Variants in PCNX1 observed in about 807,000 individuals in gnomAD.
The protein encoded by PCNX1 is pecanex-like protein 1.
A neutral mutation model predicts 242.2 loss-of-function variants in PCNX1; 78 were observed. The ratio of observed to expected loss-of-function variants is 0.32; its 90% CI spans 0.27 to 0.39. PCNX1 has a LOEUF of 0.39. PCNX1 is among the 10% of genes least tolerant of loss of function. The pLI is 1.00. For synonymous variants in PCNX1, 1,024 were observed against 1,032.9 expected (o/e 0.99, Z 0.17); for missense variants, 2,581 against 2,856.5 (o/e 0.90, Z 2.20).
At chr14:70,947,154 A>G in intron 2 of PCNX1, 31 bp downstream of exon 2, 2 of 1,425,596 alleles carry the variant, frequency 1.4e-6, no homozygotes, top group Non-Finnish European at 2.0e-6. Context: ...GATTGATCGT[A>G]ATGATTTAGA....
chr14:70,977,589 G>A lies in PCNX1; in HGVS notation c.1252G>A (p.Glu418Lys), dbSNP rs1566647947. 1 of 1,614,214 alleles carries A rather than the reference G, an allele frequency of 6.2e-7. No homozygotes were observed. The change falls in exon 6 of 36, where the codon GAG (glutamate) becomes AAG (lysine). Residue 418 changes from glutamate (E) to lysine (K), a missense_variant. By Grantham distance (56) the Glu-to-Lys change is moderately conservative. Around this residue, in one of 9 missense-constraint regions of PCNX1, gnomAD observed 1,204 missense variants for 1,216.7 expected, o/e 0.99. Transcript: ENST00000304743. ...THIESILSEHEESPKAGTKSG... is the reference protein window; with the variant it reads ...THIESILSEHKESPKAGTKSG... ...CATAGAGAGCATCCTGTCAGAGCAT[G>A]AGGAGTCTCCTAAAGCAGGAACAAA... is the stretch of plus-strand genomic sequence containing the variant.
intron 27 of PCNX1, among the ~76,000 whole-genome samples, chr14:71,074,766 G>T (rs2061670047): frequency 2.6e-5 from 4 of 152,172 alleles, no homozygotes; most frequent in Admixed American, 2.6e-4. Flanking sequence ...CCAAGGCTTA[G>T]CGGTTACCCC....
intron 1 of PCNX1, among the ~76,000 whole-genome samples, chr14:70,915,382 A>G (rs2056112027): frequency 1.3e-5 from 2 of 152,212 alleles, no homozygotes; most frequent in Non-Finnish European, 2.9e-5. Flanking sequence ...GAAATTATAG[A>G]TAAGTAAAAA....
At chr14:70,962,088 C>T in intron 2 of PCNX1, 138 bp from the exon 3 acceptor site, 4 of 604,876 alleles carry the variant, frequency 6.6e-6, no homozygotes, top group South Asian at 2.2e-5. Context: ...CGTTGTTTAC[C>T]TTTTTTGCTA....
intron 13 of PCNX1, among the ~76,000 whole-genome samples, chr14:71,025,624 TA>T (rs1247706516): frequency 6.6e-6 from 1 of 152,114 alleles, no homozygotes; most frequent in East Asian, 1.9e-4. Context: ...ATATTAAAAA[TA>T]ATGAGACTGT....
At chr14:71,053,596 G>A (rs1489583947) in intron 24 of PCNX1, among the ~76,000 whole-genome samples, 3 of 152,184 alleles carry the variant, frequency 2.0e-5, no homozygotes, top group Non-Finnish European at 4.4e-5. Flanking sequence ...GGGATTACAG[G>A]CGTGAGCCAC....
chr14:70,962,335 G>A lies in PCNX1; in HGVS notation c.468+4G>A, dbSNP rs767439124. The stretch of plus-strand genomic sequence containing the variant: ...CGGTCTAGATCCAAGCAACCAGGTA[G>A]GAACCTGCGCTGTTTTATTTTGCCT... On this transcript the variant is annotated splice_donor_region_variant and intron_variant, in intron 3 of 35. Coordinates refer to ENST00000304743, the MANE Select transcript of PCNX1 (RefSeq NM_014982.3). 1.9e-5 allele frequency: 29 copies of A among 1,566,652 alleles called. No homozygotes were observed. The highest frequency in any genetic ancestry group is 2.4e-5 in the Non-Finnish European group (27 of 1,136,972).
At position 71,102,029 on chromosome 14, in the gene PCNX1, G is replaced by A. The variant is rs1228439774; in HGVS notation, c.5629G>A (p.Val1877Met). The change falls in exon 31 of 36, where the codon GTG becomes ATG. Residue 1877 changes from valine to methionine, a missense_variant. Around this residue, in one of 9 missense-constraint regions of PCNX1, gnomAD observed 298 missense variants for 480.1 expected, o/e 0.62. Coordinates refer to ENST00000304743, the MANE Select transcript of PCNX1 (RefSeq NM_014982.3). ...TCCAGATGAATATGATGACCCTACT[G>A]TGCTCTATGAAGCCATAGTATCTCA... ...TSPDEYDDPTVLYEAIVSHEK... is the reference protein window; with the variant it reads ...TSPDEYDDPTMLYEAIVSHEK... 5.6e-6 allele frequency: 9 copies of A among 1,612,610 alleles called. No homozygotes were observed. The highest frequency in any genetic ancestry group is 6.8e-6 in the Non-Finnish European group (8 of 1,178,928).
chr14:70,913,834 T>G (rs2056034628), intron 1 of PCNX1, among the ~76,000 whole-genome samples: 1 of 152,226 alleles, frequency 6.6e-6, no homozygotes, highest in African/African-American at 2.4e-5. Context: ...GTGCTATAAA[T>G]TAGCAATTTA....
intron 7 of PCNX1, among the ~76,000 whole-genome samples, chr14:70,992,776 C>T (rs968710830): frequency 3.3e-5 from 5 of 152,014 alleles, no homozygotes; most frequent in Admixed American, 2.0e-4. Context: ...GACATAGAAG[C>T]GTAAAAAAAG....
At chr14:70,978,734 C>G in intron 6 of PCNX1, 86 bp downstream of exon 6, 1 of 1,136,882 alleles carries the variant, frequency 8.8e-7, no homozygotes, top group Non-Finnish European at 1.2e-6. Context: ...AAATATGCTT[C>G]TGTTAATATT....
intron 3 of PCNX1, among the ~76,000 whole-genome samples, chr14:70,966,512 C>A (rs950819509): frequency 3.9e-5 from 6 of 152,160 alleles, no homozygotes; most frequent in Admixed American, 2.6e-4. Flanking sequence ...CTCAGACACA[C>A]AAAGACGTTT....
chr14:71,043,667 C>A (rs2060777762), intron 19 of PCNX1, among the ~76,000 whole-genome samples: 1 of 152,066 alleles, frequency 6.6e-6, no homozygotes, highest in South Asian at 2.1e-4. Flanking sequence ...TCCAGAATTT[C>A]TGTTTGGTTC....
At chr14:70,930,899 CA>C (rs926226019) in intron 1 of PCNX1, among the ~76,000 whole-genome samples, 9 of 152,226 alleles carry the variant, frequency 5.9e-5, no homozygotes, top group African/African-American at 2.2e-4. Flanking sequence ...CCTCAATCCC[CA>C]AAGGAGACTG....
intron 8 of PCNX1, among the ~76,000 whole-genome samples, chr14:71,001,448 A>G (rs1446905350): frequency 1.3e-5 from 2 of 152,150 alleles, no homozygotes; most frequent in Admixed American, 6.5e-5. Context: ...AATTTTATCT[A>G]CTCTTATTTT....
chr14:70,950,413 A>G (rs2057729628), intron 2 of PCNX1, among the ~76,000 whole-genome samples: 1 of 152,104 alleles, frequency 6.6e-6, no homozygotes, highest in African/African-American at 2.4e-5. Flanking sequence ...CCTATTTTAA[A>G]TTATATCAAT....
chr14:71,028,213 T>G (rs934472841), intron 15 of PCNX1, among the ~76,000 whole-genome samples: 16 of 151,828 alleles, frequency 1.1e-4, no homozygotes, highest in Non-Finnish European at 2.2e-4. Context: ...AGTATCTATT[T>G]TGTTGTTGTT....
chr14:70,934,699 A>T (rs2056932571), intron 1 of PCNX1, among the ~76,000 whole-genome samples: 1 of 152,208 alleles, frequency 6.6e-6, no homozygotes, highest in Non-Finnish European at 1.5e-5. Context: ...CTCACTTTGG[A>T]CTTGAAAAAA....
chr14:70,926,311 TCA>T (rs1387933504), intron 1 of PCNX1, among the ~76,000 whole-genome samples: 1 of 151,918 alleles, frequency 6.6e-6, no homozygotes, highest in Admixed American at 6.6e-5. Flanking sequence ...TGTGCTTATA[TCA>T]GATACTCTCT....
Sources: gnomAD v4.1 joint callset for allele counts (sites outside exome capture counted in the v4.1 genomes callset) on GRCh38, gnomAD v4.1.1 for gene constraint, gnomAD v4.1.1 regional missense constraint, MANE v1.5 for transcripts, NCBI Gene and HGNC (gene_info 2026-07-23, HGNC 2026-07-21) for gene names.